TMEM132D: variants seen among roughly 807,000 people sequenced by gnomAD.
TMEM132D encodes the protein mature OL transmembrane protein.
A neutral mutation model predicts 62.3 loss-of-function variants in TMEM132D; 21 were observed. The ratio of observed to expected loss-of-function variants is 0.34; its 90% confidence interval spans 0.24 to 0.49. The LOEUF is 0.49. TMEM132D is among the 20% of genes least tolerant of loss of function. TMEM132D has a pLI of 0.99. For synonymous variants in TMEM132D, 621 were observed against 575.6 expected (o/e 1.08, Z -1.13); for missense variants, 1,346 against 1,402.8 (o/e 0.96, Z 0.65).
At chr12:129,367,796 G>GT (rs1870468117) in intron 3 of TMEM132D, among the ~76,000 whole-genome samples, 5 of 69,558 alleles carry the variant, frequency 7.2e-5, no homozygotes, top group African/African-American at 1.1e-4. Flanking sequence ...TTTTTTTTTC[G>GT]TTTTTTTGAG....
At chr12:129,805,305 C>T (rs1242503085) in intron 1 of TMEM132D, among the ~76,000 whole-genome samples, 2 of 152,044 alleles carry the variant, frequency 1.3e-5, no homozygotes, top group Non-Finnish European at 2.9e-5. Context: ...TACAAGGCTA[C>T]AGTAACCAAA....
intron 2 of TMEM132D, among the ~76,000 whole-genome samples, chr12:129,643,097 G>A (rs955224115): frequency 3.3e-5 from 5 of 151,838 alleles, no homozygotes; most frequent in African/African-American, 4.8e-5. Context: ...ACTAATTTTC[G>A]TATTTTTAGT....
chr12:129,379,680 CTT>C (rs1870885085), intron 3 of TMEM132D, among the ~76,000 whole-genome samples: 1 of 152,168 alleles, frequency 6.6e-6, no homozygotes, highest in Non-Finnish European at 1.5e-5. Flanking sequence ...TGCAAGGAAA[CTT>C]TCAGGGAGGA....
chr12:129,242,966 G>A (rs987040042), intron 4 of TMEM132D, among the ~76,000 whole-genome samples: 3 of 99,940 alleles, frequency 3.0e-5, no homozygotes, highest in Non-Finnish European at 4.7e-5. Flanking sequence ...AGTTCAGGCT[G>A]CGGGCTGCCT....
At chr12:129,859,997 C>G (rs549742517) in intron 1 of TMEM132D, among the ~76,000 whole-genome samples, 2 of 152,332 alleles carry the variant, frequency 1.3e-5, no homozygotes, top group African/African-American at 4.8e-5. Context: ...TTCTGTCCCT[C>G]TGGAGAACCC....
chr12:129,329,202 C>T (rs1422261717), intron 4 of TMEM132D, among the ~76,000 whole-genome samples: 1 of 151,990 alleles, frequency 6.6e-6, no homozygotes, highest in Non-Finnish European at 1.5e-5. Flanking sequence ...ACCTAATGAA[C>T]AGTAAGTATT....
intron 1 of TMEM132D, among the ~76,000 whole-genome samples, chr12:129,783,843 C>T (rs1871186942): frequency 6.6e-6 from 1 of 152,222 alleles, no homozygotes; most frequent in Non-Finnish European, 1.5e-5. Flanking sequence ...GCAAAGATCA[C>T]TTCTGCCTGT....
At chr12:129,376,610 C>T (rs1289001623) in intron 3 of TMEM132D, among the ~76,000 whole-genome samples, 1 of 152,162 alleles carries the variant, frequency 6.6e-6, no homozygotes, top group East Asian at 1.9e-4. Context: ...CCCAGTACCT[C>T]AGTATGTGAT....
intron 3 of TMEM132D, among the ~76,000 whole-genome samples, chr12:129,404,017 G>A (rs980871854): frequency 7.2e-5 from 11 of 151,976 alleles, no homozygotes; most frequent in African/African-American, 2.7e-4. Flanking sequence ...ATAGGTGATG[G>A]GGTCAGAGAA....
chr12:129,099,284 T>G (rs1565963438), intron 5 of TMEM132D, among the ~76,000 whole-genome samples: 1 of 152,210 alleles, frequency 6.6e-6, no homozygotes. Context: ...ACTCTGTGAT[T>G]TTCTCTCCAT....
chr12:129,725,309 A>ATATTT lies in TMEM132D; in HGVS notation c.80-24612_80-24611insAAATA, dbSNP rs1341753316. ...ATTCACTATGTATTTCTATATGCCTACAGATAGTGTGCTAATAAGCCTGCT... is the reference window on the plus strand; with the variant it reads ...ATTCACTATGTATTTCTATATGCCTATATTTCAGATAGTGTGCTAATAAGCCTGCT... On this transcript the variant is annotated intron_variant, in intron 1 of 8. Transcript: ENST00000422113. Among the ~76,000 whole-genome samples the ATATTT allele has an allele frequency of 3.9e-4, 60 of 152,376 alleles. 2 individuals carry two copies. In the South Asian group the frequency reaches 0.012, roughly 30 times the overall value.
At chr12:129,078,814 A>C (rs1874360374) in intron 7 of TMEM132D, 89 bp from the exon 8 acceptor site, 4 of 1,390,322 alleles carry the variant, frequency 2.9e-6, no homozygotes, top group Admixed American at 3.6e-5. Flanking sequence ...GTGTGCAGGC[A>C]GCGGCAGGGC....
intron 1 of TMEM132D, among the ~76,000 whole-genome samples, chr12:129,837,783 C>T (rs897102618): frequency 6.6e-6 from 1 of 152,152 alleles, no homozygotes; most frequent in African/African-American, 2.4e-5. Flanking sequence ...CACAATAGTT[C>T]CTGGACTTCC....
chr12:129,223,191 T>A (rs546846399), intron 4 of TMEM132D, among the ~76,000 whole-genome samples: 1 of 152,110 alleles, frequency 6.6e-6, no homozygotes, highest in South Asian at 2.1e-4. Context: ...AGGACTCACC[T>A]CTAGCTGTAT....
intron 2 of TMEM132D, among the ~76,000 whole-genome samples, chr12:129,534,188 G>T (rs991252308): frequency 7.9e-5 from 12 of 151,396 alleles, no homozygotes; most frequent in Non-Finnish European, 1.5e-4. Context: ...ATAAATACAG[G>T]TTACACTGAC....
intron 3 of TMEM132D, among the ~76,000 whole-genome samples, chr12:129,514,001 C>A (rs1307571410): frequency 2.0e-5 from 3 of 148,770 alleles, no homozygotes; most frequent in Non-Finnish European, 4.5e-5. Context: ...CCACGCCTGG[C>A]TAATTTTTTT....
chr12:129,435,534 T>C (rs1172233602), intron 3 of TMEM132D, among the ~76,000 whole-genome samples: 2 of 152,188 alleles, frequency 1.3e-5, no homozygotes, highest in African/African-American at 2.4e-5. Flanking sequence ...CAATTTCTCA[T>C]GGTGGTTTTG....
chr12:129,171,483 G>A lies in TMEM132D; in HGVS notation c.1443+38037C>T, dbSNP rs189569350. On this transcript the variant is annotated intron_variant, in intron 5 of 8. Coordinates refer to ENST00000422113, the MANE Select transcript of TMEM132D (RefSeq NM_133448.3). ...ACACATGTGCTTAATGGCGAATAGG[G>A]AATCCTTTCCAGAAGGTTTGCAATT... Among the ~76,000 whole-genome samples the A allele has an allele frequency of 9.8e-5, 15 of 152,318 alleles. No individual in the cohort carries two copies. In the East Asian group the frequency reaches 2.7e-3, roughly 27 times the overall value.
rs1875255599 is a variant in TMEM132D, at chr12:129,100,199, C to T, written c.1444-15497G>A. On this transcript the variant is annotated intron_variant, in intron 5 of 8. Coordinates refer to ENST00000422113, the MANE Select transcript of TMEM132D (RefSeq NM_133448.3). ...GGAATTGCAGGCACCTACCACCACC[C>T]CTGGCTAATTTTTTGTATTTTTAGT... 2.6e-5 allele frequency among the ~76,000 whole-genome samples: 4 copies of T among 152,282 alleles called. No homozygotes were observed. The South Asian group carries it at 8.3e-4, about 32-fold the overall frequency.
Sources: gnomAD v4.1 joint callset for allele counts (sites outside exome capture counted in the v4.1 genomes callset) on GRCh38, gnomAD v4.1.1 for gene constraint, MANE v1.5 for transcripts, NCBI Gene and HGNC (gene_info 2026-07-23, HGNC 2026-07-21) for gene names.